The following VAC14 variants were observed in gnomAD, a reference collection of about 807,000 sequenced individuals.
VAC14 encodes protein VAC14 homolog.
VAC14 carries 47 observed loss-of-function variants against 85.3 expected under a neutral mutation model. The ratio of observed to expected loss-of-function variants is 0.55; its 90% CI spans 0.44 to 0.70. The LOEUF is 0.70. Among genes scored for constraint, VAC14 ranks in the 30% least tolerant of loss-of-function variants. The pLI, the probability that VAC14 is intolerant of heterozygous loss-of-function variation, is 0.00. For missense variants in VAC14, 861 were observed against 1,004.3 expected (o/e 0.86, Z 1.93); for synonymous variants, 447 against 430.5 (o/e 1.04, Z -0.47).
In VAC14 at chr16:70,786,289, C is replaced by A; in HGVS notation, c.181G>T (p.Ala61Ser). The stretch of plus-strand genomic sequence containing the variant: ...CGGCTGTGGGGGTGCTGAGACAGGG[C>A]AAACTCCTGGGACAGGGTCTGGATC... ...HVIQTLSQEFALSQHPHSRKG... is the reference protein window; with the variant it reads ...HVIQTLSQEFSLSQHPHSRKG... Residue 61 changes from alanine (A) to serine (S), a missense_variant, in exon 2 of 19, where the codon GCC becomes TCC. Ala to Ser is a moderately conservative substitution (Grantham distance 99, BLOSUM62 1). Around this residue, in one of 3 missense-constraint regions of VAC14, gnomAD observed 629 missense variants for 703.1 expected, o/e 0.89. Coordinates refer to ENST00000261776, the MANE Select transcript of VAC14 (RefSeq NM_018052.5). 6.2e-7 allele frequency: 1 copy of A among 1,614,236 alleles called. No homozygotes were observed. The highest frequency in any genetic ancestry group is 8.5e-7 in the Non-Finnish European group (1 of 1,180,034).
chr16:70,795,595 CTTCACCTGTTCAACT>C (rs1266522575), intron 1 of VAC14, among the ~76,000 whole-genome samples: 1 of 152,016 alleles, frequency 6.6e-6, no homozygotes, highest in Non-Finnish European at 1.5e-5. Flanking sequence ...CCAGGTCAAC[CTTCACCTGTTCAACT>C]TTCACCTGTT....
intron 17 of VAC14, among the ~76,000 whole-genome samples, chr16:70,693,597 C>T (rs1016142623): frequency 2.6e-5 from 4 of 152,182 alleles, no homozygotes; most frequent in East Asian, 1.9e-4. Context: ...GAGATGCACC[C>T]GGGGGGCTGC....
At chr16:70,746,960 C>T (rs945743062) in intron 12 of VAC14, 7 of 152,144 alleles carry the variant, frequency 4.6e-5, no homozygotes, top group African/African-American at 1.4e-4. Flanking sequence ...AGAGAGCTGC[C>T]ATAGGTATAC....
chr16:70,764,768 C>T (rs1224645668), intron 10 of VAC14, among the ~76,000 whole-genome samples: 3 of 152,320 alleles, frequency 2.0e-5, no homozygotes, highest in Middle Eastern at 3.4e-3. Context: ...CGGTGCACCT[C>T]GGTTCAGAGT....
At chr16:70,774,539 T>C (rs530465636) in intron 9 of VAC14, among the ~76,000 whole-genome samples, 41 of 152,304 alleles carry the variant, frequency 2.7e-4, no homozygotes, top group African/African-American at 8.2e-4. Flanking sequence ...TGGGGGAAGA[T>C]ACTTAAGATT....
At chr16:70,721,664 C>T (rs576896770) in intron 14 of VAC14, among the ~76,000 whole-genome samples, 215 of 152,164 alleles carry the variant, frequency 1.4e-3, no homozygotes, top group Non-Finnish European at 2.5e-3. Context: ...ACGTGGCTCT[C>T]GTCTCAGCTC....
intron 14 of VAC14, among the ~76,000 whole-genome samples, chr16:70,717,801 C>T (rs1375963066): frequency 2.0e-5 from 3 of 152,186 alleles, no homozygotes; most frequent in Non-Finnish European, 2.9e-5. Flanking sequence ...CGCATGCCAC[C>T]ATGCTCAGTT....
chr16:70,753,625 G>A (rs542089313), intron 12 of VAC14, among the ~76,000 whole-genome samples: 6 of 149,012 alleles, frequency 4.0e-5, no homozygotes, highest in Non-Finnish European at 7.4e-5. Flanking sequence ...TCCCAGAGAT[G>A]TGCACCAAAC....
chr16:70,689,089 T>G (rs775481247), intron 18 of VAC14: 44 of 985,258 alleles, frequency 4.5e-5, no homozygotes, highest in Non-Finnish European at 5.1e-5. Context: ...GTGCAGGCAC[T>G]GGCAGAGCAC....
intron 1 of VAC14, among the ~76,000 whole-genome samples, chr16:70,790,195 G>A (rs995429056): frequency 6.6e-6 from 1 of 152,220 alleles, no homozygotes; most frequent in Non-Finnish European, 1.5e-5. Flanking sequence ...AGAACGACCC[G>A]TGTCTGCCAG....
chr16:70,707,370 G>A (rs756234304), intron 14 of VAC14, among the ~76,000 whole-genome samples: 2 of 152,160 alleles, frequency 1.3e-5, no homozygotes, highest in Admixed American at 6.5e-5. Context: ...AGGAGGATGC[G>A]GAACTTGTTT....
intron 13 of VAC14, among the ~76,000 whole-genome samples, chr16:70,734,230 C>T (rs2054680886): frequency 6.6e-6 from 1 of 152,156 alleles, no homozygotes; most frequent in Non-Finnish European, 1.5e-5. Context: ...CCTCAAACTC[C>T]TGGGCTCGAG....
intron 12 of VAC14, among the ~76,000 whole-genome samples, chr16:70,750,325 T>C (rs1278038575): frequency 1.3e-5 from 2 of 152,054 alleles, no homozygotes; most frequent in African/African-American, 4.8e-5. Context: ...GCAAAATGAA[T>C]ATAAAACACT....
intron 14 of VAC14, among the ~76,000 whole-genome samples, chr16:70,723,147 G>C (rs974637418): frequency 2.6e-5 from 4 of 152,006 alleles, no homozygotes; most frequent in Non-Finnish European, 5.9e-5. Context: ...GCTTGAACCC[G>C]GGGGGTGGAG....
intron 14 of VAC14, among the ~76,000 whole-genome samples, chr16:70,708,163 C>T (rs2053958530): frequency 6.6e-6 from 1 of 152,202 alleles, no homozygotes; most frequent in Non-Finnish European, 1.5e-5. Context: ...ACTCAAGCCC[C>T]CTGTTCTTTC....
chr16:70,777,817 G>C (rs899862796), intron 9 of VAC14, among the ~76,000 whole-genome samples: 3 of 152,226 alleles, frequency 2.0e-5, no homozygotes, highest in Non-Finnish European at 4.4e-5. Flanking sequence ...CCAGGCATGA[G>C]GTCCTGTCTC....
In VAC14 at chr16:70,783,553, ATCTGACCAGGG is replaced by A. The variant is rs2033913406; in HGVS notation, c.595-10_595del. Reference sequence around the variant, plus strand: ...GTCTGGCACCGACTCCAGAACCAGGATCTGACCAGGGGAAGGGAACAGGAGGGGAAGTCAGC... The same window carrying A: ...GTCTGGCACCGACTCCAGAACCAGGAGAAGGGAACAGGAGGGGAAGTCAGC... On this transcript the variant is annotated splice_acceptor_variant and splice_polypyrimidine_tract_variant and coding_sequence_variant and intron_variant, in exon 6 of 19. Coordinates refer to ENST00000261776, the MANE Select transcript of VAC14 (RefSeq NM_018052.5). LOFTEE classifies it high-confidence loss of function. 7 of 1,613,604 alleles carry A rather than the reference ATCTGACCAGGG, an allele frequency of 4.3e-6. No homozygotes were observed. Among genetic ancestry groups the A allele is most frequent in the Non-Finnish European group, 5.9e-6 (7 of 1,180,022 alleles).
chr16:70,768,798 G>A (rs1319959283), intron 10 of VAC14: 2 of 453,826 alleles, frequency 4.4e-6, no homozygotes, highest in Non-Finnish European at 8.8e-6. Flanking sequence ...TCATGTGGAT[G>A]TGCATTTTTT....
intron 14 of VAC14, among the ~76,000 whole-genome samples, chr16:70,721,484 G>C (rs988267114): frequency 6.6e-6 from 1 of 152,082 alleles, no homozygotes; most frequent in African/African-American, 2.4e-5. Flanking sequence ...AGAAGGAAGA[G>C]GAGGACAAGG....
Sources: gnomAD v4.1 joint callset for allele counts (sites outside exome capture counted in the v4.1 genomes callset) on GRCh38, gnomAD v4.1.1 for gene constraint, gnomAD v4.1.1 regional missense constraint, MANE v1.5 for transcripts, NCBI Gene and HGNC (gene_info 2026-07-23, HGNC 2026-07-21) for gene names.